Variants in SLC35A3 observed in about 807,000 individuals in gnomAD.
SLC35A3 encodes UDP-N-acetylglucosamine transporter.
Under a neutral mutation model 39.0 loss-of-function variants are expected in SLC35A3, and 26 were observed. The observed-to-expected ratio is 0.67, with a 90% CI of 0.49 to 0.92. The LOEUF is 0.92. Ranked by LOEUF, SLC35A3 falls within the 40% of genes least tolerant of loss-of-function variation. SLC35A3 has a pLI of 0.00. For missense variants in SLC35A3, 299 were observed against 371.6 expected, an observed-to-expected ratio of 0.80 and a Z score of 1.61; for synonymous variants, 135 against 133.1, an observed-to-expected ratio of 1.01 and a Z score of -0.10.
chr1:100,003,537 A>G (rs1300476464), intron 3 of SLC35A3, among the ~76,000 whole-genome samples: 2 of 152,038 alleles, frequency 1.3e-5, no homozygotes, highest in Non-Finnish European at 2.9e-5. Context: ...AGCCTAATAT[A>G]TATTCTATTC....
At chr1:99,973,192 A>G (rs1266363061) in intron 1 of SLC35A3, among the ~76,000 whole-genome samples, 1 of 152,166 alleles carries the variant, frequency 6.6e-6, no homozygotes, top group African/African-American at 2.4e-5. Context: ...TCAACTGTGG[A>G]TTTGTCTGTG....
rs530039727 is a variant in SLC35A3 at position 100,031,933 on chromosome 1, A to G, written c.*9457A>G. On this transcript the variant is annotated 3_prime_UTR_variant, in exon 8 of 8. Transcript: ENST00000533028. The stretch of plus-strand genomic sequence containing the variant: ...CATGATAGTACTCTTTGAAGGACCA[A>G]AGTTACTTTGCTCCTATTATGTGGT... 6.6e-6 allele frequency: 1 copy of G among 152,268 alleles called. No individual in the cohort carries two copies. Among genetic ancestry groups the G allele is most frequent in the African/African-American group, 2.4e-5 (1 of 41,540 alleles). 9.4% of individuals were successfully genotyped at this position (152,268 alleles called of 1,614,324 possible). A position where few individuals can be genotyped will look rare whatever the true frequency, so the allele number is the denominator to read the frequency against.
chr1:100,006,826 G>A (rs988929537), intron 3 of SLC35A3, among the ~76,000 whole-genome samples: 1 of 152,196 alleles, frequency 6.6e-6, no homozygotes, highest in African/African-American at 2.4e-5. Flanking sequence ...AATTCATTTT[G>A]CATTATTGCC....
intron 7 of SLC35A3, among the ~76,000 whole-genome samples, chr1:100,020,818 T>A (rs1401616691): frequency 6.6e-6 from 1 of 152,144 alleles, no homozygotes; most frequent in African/African-American, 2.4e-5. Context: ...GCAAGGAAAC[T>A]GTGGACAGAG....
At chr1:99,998,186 G>C (rs1344997612) in intron 2 of SLC35A3, among the ~76,000 whole-genome samples, 1 of 142,438 alleles carries the variant, frequency 7.0e-6, no homozygotes, top group African/African-American at 2.7e-5. Context: ...TGGGGATCTT[G>C]TTCTTTTGCT....
chr1:100,011,610 A>G, intron 5 of SLC35A3, 77 bp downstream of exon 5: 1 of 469,860 alleles, frequency 2.1e-6, no homozygotes, highest in Non-Finnish European at 3.4e-6. Flanking sequence ...TATATCTTTA[A>G]ATAAATGAGC....
intron 1 of SLC35A3, among the ~76,000 whole-genome samples, chr1:99,992,580 CTA>C (rs1477520869): frequency 1.3e-5 from 2 of 152,128 alleles, no homozygotes; most frequent in African/African-American, 2.4e-5. Context: ...ATTTTTTAAA[CTA>C]TGTGAGTCTA....
At chr1:99,976,563 G>C (rs1303359410) in intron 1 of SLC35A3, among the ~76,000 whole-genome samples, 3 of 152,286 alleles carry the variant, frequency 2.0e-5, no homozygotes, top group African/African-American at 7.2e-5. Flanking sequence ...AATCAATCTA[G>C]ATGCCCATCA....
intron 1 of SLC35A3, among the ~76,000 whole-genome samples, chr1:99,980,505 G>C (rs1657395371): frequency 6.6e-6 from 1 of 152,150 alleles, no homozygotes. Flanking sequence ...AATGCAAATA[G>C]GTTTTATATT....
chr1:100,022,478 T>A lies in SLC35A3; in HGVS notation c.*2T>A. 1 of 1,523,110 alleles carries A rather than the reference T, an allele frequency of 6.6e-7. No homozygotes were observed. Among genetic ancestry groups the A allele is most frequent in the Non-Finnish European group, 9.1e-7 (1 of 1,104,386 alleles). 94.3% of individuals were successfully genotyped at this position (1,523,110 alleles called of 1,614,324 possible). A position where few individuals can be genotyped will look rare whatever the true frequency, so the allele number is the denominator to read the frequency against. Reference sequence around the variant, plus strand: ...GCAGGAAATCCCACTAAAGCATAGTTGTATACTATCTTTAACTGGTTTTTC... The same window carrying A: ...GCAGGAAATCCCACTAAAGCATAGTAGTATACTATCTTTAACTGGTTTTTC... On this transcript the variant is annotated 3_prime_UTR_variant, in exon 8 of 8. Transcript: ENST00000533028.
intron 3 of SLC35A3, among the ~76,000 whole-genome samples, chr1:100,002,713 C>T (rs1303363671): frequency 6.6e-6 from 1 of 152,076 alleles, no homozygotes; most frequent in Non-Finnish European, 1.5e-5. Context: ...ACCTCCTGGG[C>T]TCAAGAAATC....
chr1:100,022,760 A>G lies in SLC35A3; in HGVS notation c.*284A>G, dbSNP rs1660646072. The G allele has an allele frequency of 4.5e-6, 1 of 223,762 alleles. No individual in the cohort carries two copies. The highest frequency in any genetic ancestry group is 5.7e-5 in the Admixed American group (1 of 17,438). The allele number at this position is 223,762 out of a possible 1,614,324, so 13.9% of individuals were successfully genotyped here. A position where few individuals can be genotyped will look rare whatever the true frequency, so the allele number is the denominator to read the frequency against. On this transcript the variant is annotated 3_prime_UTR_variant, in exon 8 of 8. Transcript: ENST00000533028. ...TTTTACCTTTTTGATTGCTGCAGAAATGTCCTATGCACTCTTTGCAAGAGC... is the reference window on the plus strand; with the variant it reads ...TTTTACCTTTTTGATTGCTGCAGAAGTGTCCTATGCACTCTTTGCAAGAGC...
At chr1:100,004,123 A>G (rs1659028923) in intron 3 of SLC35A3, among the ~76,000 whole-genome samples, 1 of 152,116 alleles carries the variant, frequency 6.6e-6, no homozygotes, top group Admixed American at 6.5e-5. Flanking sequence ...CACAGTTATT[A>G]TTGGTACATG....
At chr1:99,996,706 TG>T (rs999106317) in intron 2 of SLC35A3, among the ~76,000 whole-genome samples, 8 of 152,134 alleles carry the variant, frequency 5.3e-5, no homozygotes, top group African/African-American at 1.9e-4. Context: ...GGCCCTCATC[TG>T]TAAAAATAAA....
At chr1:99,997,717 A>G (rs1319067196) in intron 2 of SLC35A3, among the ~76,000 whole-genome samples, 2 of 151,076 alleles carry the variant, frequency 1.3e-5, no homozygotes, top group Non-Finnish European at 2.9e-5. Context: ...TAATTTTAAT[A>G]ATTTACAATA....
At chr1:99,980,786 A>T (rs781230094) in intron 1 of SLC35A3, among the ~76,000 whole-genome samples, 48 of 152,236 alleles carry the variant, frequency 3.2e-4, no homozygotes, top group Non-Finnish European at 6.3e-4. Context: ...TTAAGCACTT[A>T]AGAGGGAACT....
At chr1:100,002,244 T>TG (rs1020682256) in intron 3 of SLC35A3, among the ~76,000 whole-genome samples, 2 of 152,232 alleles carry the variant, frequency 1.3e-5, no homozygotes, top group African/African-American at 4.8e-5. Flanking sequence ...CATCCAGTCC[T>TG]GGACTTTTCT....
Position 99,989,219 on chromosome 1 carries a change from G to A in SLC35A3, c.-18-4318G>A, listed in dbSNP as rs78897153. ...TGGTCTTAATTTGTATTTCCCTAAT[G>A]ACCTTTTCCTATGCCTATTAGTCAC... On this transcript the variant is annotated intron_variant, in intron 1 of 7. Coordinates refer to ENST00000533028, the MANE Select transcript of SLC35A3 (RefSeq NM_012243.3). Among the ~76,000 whole-genome samples, 340 of 152,186 alleles carry A rather than the reference G, an allele frequency of 2.2e-3. 4 individuals are homozygous for A. The highest frequency in any genetic ancestry group is 8.0e-3 in the African/African-American group (331 of 41,534).
intron 1 of SLC35A3, among the ~76,000 whole-genome samples, chr1:99,990,755 A>G (rs1658034650): frequency 6.6e-6 from 1 of 152,070 alleles, no homozygotes; most frequent in African/African-American, 2.4e-5. Context: ...CCAAATTCAC[A>G]TGTTGAAATC....
Sources: gnomAD v4.1 joint callset for allele counts (sites outside exome capture counted in the v4.1 genomes callset) on GRCh38, gnomAD v4.1.1 for gene constraint, MANE v1.5 for transcripts, NCBI Gene and HGNC (gene_info 2026-07-23, HGNC 2026-07-21) for gene names.